The following SVEP1 variants were observed in gnomAD, a reference collection of about 807,000 sequenced individuals.
The protein encoded by SVEP1 is sushi, von Willebrand factor type A, EGF and pentraxin domain-containing protein 1.
In SVEP1, 164 loss-of-function variants were observed where a neutral mutation model predicts 367.3. The ratio of observed to expected loss-of-function variants is 0.45; its 90% CI spans 0.39 to 0.51. The LOEUF (loss-of-function observed/expected upper bound fraction) is 0.51. Among genes scored for constraint, SVEP1 ranks in the 20% least tolerant of loss-of-function variants. The pLI, the probability that SVEP1 is intolerant of heterozygous loss-of-function variation, is 0.00. For missense variants in SVEP1, 4,117 were observed against 4,425.3 expected (o/e 0.93, Z 1.98); for synonymous variants, 1,666 against 1,611.6 (o/e 1.03, Z -0.81).
intron 3 of SVEP1, among the ~76,000 whole-genome samples, chr9:110,531,329 G>T (rs115954677): frequency 4.0e-4 from 61 of 152,140 alleles, no homozygotes; most frequent in African/African-American, 1.4e-3. Flanking sequence ...AGTATGGTTT[G>T]GCTGTGTTCC....
chr9:110,418,772 C>A (rs1828151089), intron 36 of SVEP1, among the ~76,000 whole-genome samples: 1 of 93,616 alleles, frequency 1.1e-5, no homozygotes, highest in Non-Finnish European at 2.4e-5. Context: ...GATCTCTCGG[C>A]AGAAACCCTA....
At chr9:110,531,208 G>T (rs1350480738) in intron 3 of SVEP1, among the ~76,000 whole-genome samples, 3 of 152,076 alleles carry the variant, frequency 2.0e-5, no homozygotes, top group Non-Finnish European at 2.9e-5. Flanking sequence ...CATATATAGT[G>T]ATTTGATTTT....
chr9:110,450,467 G>GTTTTTT (rs10656079), intron 23 of SVEP1, among the ~76,000 whole-genome samples: 22 of 102,110 alleles, frequency 2.2e-4, no homozygotes, highest in South Asian at 3.8e-4. Context: ...TTGATAATCT[G>GTTTTTT]TTTTTTTTTT....
At chr9:110,487,719 C>T (rs1358621094) in intron 9 of SVEP1, among the ~76,000 whole-genome samples, 2 of 152,142 alleles carry the variant, frequency 1.3e-5, no homozygotes, top group Non-Finnish European at 2.9e-5. Context: ...AGCTTTCACA[C>T]AGAGCTTAAA....
At chr9:110,508,383 G>A (rs932252174) in intron 5 of SVEP1, among the ~76,000 whole-genome samples, 1 of 152,042 alleles carries the variant, frequency 6.6e-6, no homozygotes, top group Non-Finnish European at 1.5e-5. Flanking sequence ...TAAATGTAAG[G>A]TTCTCATTGG....
At chr9:110,576,546 T>C (rs1432603508) in intron 1 of SVEP1, among the ~76,000 whole-genome samples, 1 of 151,908 alleles carries the variant, frequency 6.6e-6, no homozygotes, top group Non-Finnish European at 1.5e-5. Flanking sequence ...TTTTCTGCAA[T>C]AAATATTTAT....
rs1287852782 is a variant in SVEP1 at position 110,375,427 on chromosome 9, C to T, written c.10541G>A (p.Cys3514Tyr). ...GCAGTCACACTGGTAAGGGGCCACA[C>T]AGCGACCTCCGTTCAGACAGGGAAG... is the stretch of plus-strand genomic sequence containing the variant. ...CILPCLNGGR[C>Y]VAPYQCDCPP... Residue 3514 changes from cysteine (C) to tyrosine (Y), a missense_variant, in exon 46 of 48, where the codon TGT becomes TAT. Cys to Tyr is a radical substitution (Grantham distance 194). Around this residue, in one of 4 missense-constraint regions of SVEP1, gnomAD observed 1,765 missense variants for 1,781.1 expected, o/e 0.99. Coordinates refer to ENST00000374469, the MANE Select transcript of SVEP1 (RefSeq NM_153366.4). The T allele has an allele frequency of 1.3e-6, 2 of 1,509,300 alleles. No homozygotes were observed. The highest frequency in any genetic ancestry group is 8.9e-7 in the Non-Finnish European group (1 of 1,127,416). The allele number at this position is 1,509,300 out of a possible 1,614,324, so 93.5% of individuals were successfully genotyped here.
chr9:110,374,268 T>C (rs903162824), intron 46 of SVEP1, among the ~76,000 whole-genome samples: 4 of 152,212 alleles, frequency 2.6e-5, no homozygotes, highest in African/African-American at 4.8e-5. Flanking sequence ...TTTGTTCCTT[T>C]TATAAGGATG....
rs976384747 is a variant in SVEP1, at chr9:110,579,470, G to A, written c.74C>T (p.Ser25Phe). Residue 25 changes from serine (S) to phenylalanine (F), a missense_variant, in exon 1 of 48, where the codon TCC becomes TTC. Ser to Phe is a radical substitution (Grantham distance 155). Coordinates refer to ENST00000374469, the MANE Select transcript of SVEP1 (RefSeq NM_153366.4). This position sits in a 1 kb window ranked among gnomAD's most constrained non-coding sequence, Gnocchi z 5.3. Reference protein sequence around the residue: ...VSGWATFQQMSPSRNFSFRLF... With the variant: ...VSGWATFQQMFPSRNFSFRLF... The stretch of plus-strand genomic sequence containing the variant: ...GCGGAAGCTGAAATTGCGCGACGGG[G>A]ACATCTGCTGAAAGGTCGCCCAGCC... 4 of 1,603,658 alleles carry A rather than the reference G, an allele frequency of 2.5e-6. No homozygotes were observed. The Admixed American group carries it at 6.8e-5, about 27-fold the overall frequency.
intron 36 of SVEP1, among the ~76,000 whole-genome samples, chr9:110,422,741 C>G (rs1828179826): frequency 8.0e-6 from 1 of 125,386 alleles, no homozygotes; most frequent in Non-Finnish European, 1.7e-5. Context: ...CAATGATAGA[C>G]TGGATTAAGA....
chr9:110,494,871 A>T (rs537213183), intron 8 of SVEP1, among the ~76,000 whole-genome samples: 29 of 152,174 alleles, frequency 1.9e-4, no homozygotes, highest in South Asian at 1.2e-3. Context: ...AGAGAATCAC[A>T]TCAATTTTGG....
chr9:110,377,402 A>T, intron 44 of SVEP1, 36 bp from the exon 45 acceptor site: 4 of 1,587,878 alleles, frequency 2.5e-6, no homozygotes, highest in Non-Finnish European at 3.5e-6. Flanking sequence ...AAATGTAGGG[A>T]ATTATGAAGG....
intron 3 of SVEP1, among the ~76,000 whole-genome samples, chr9:110,522,080 T>C (rs956834972): frequency 1.3e-5 from 2 of 152,158 alleles, no homozygotes; most frequent in Non-Finnish European, 2.9e-5. Flanking sequence ...AGACTGAAAG[T>C]ACATGACTTA....
At chr9:110,393,421 C>G (rs1319058373) in intron 40 of SVEP1, among the ~76,000 whole-genome samples, 1 of 152,166 alleles carries the variant, frequency 6.6e-6, no homozygotes, top group African/African-American at 2.4e-5. Flanking sequence ...AGGAACAGCT[C>G]CAGTCTACAG....
At chr9:110,371,072 A>G (rs549910908) in intron 46 of SVEP1, among the ~76,000 whole-genome samples, 138 of 152,370 alleles carry the variant, frequency 9.1e-4, no homozygotes, top group African/African-American at 3.0e-3. Context: ...AGAGAAGACA[A>G]GTAAAATACG....
At chr9:110,451,240 G>A in intron 23 of SVEP1, 49 bp downstream of exon 23, 2 of 1,431,340 alleles carry the variant, frequency 1.4e-6, no homozygotes, top group Non-Finnish European at 2.0e-6. Context: ...CTAATTTGTG[G>A]TGGTTTACAA....
intron 4 of SVEP1, among the ~76,000 whole-genome samples, 189 bp from the exon 5 acceptor site, chr9:110,513,294 A>T (rs1829752508): frequency 6.6e-6 from 1 of 152,166 alleles, no homozygotes; most frequent in Non-Finnish European, 1.5e-5. Flanking sequence ...CCTATTAGGT[A>T]CTAACTTCCA....
chr9:110,390,379 A>ATATATACTTATATAAG (rs1827636863), intron 40 of SVEP1, among the ~76,000 whole-genome samples: 1 of 116,660 alleles, frequency 8.6e-6, no homozygotes, highest in Non-Finnish European at 1.9e-5. Flanking sequence ...ATCTACTTAT[A>ATATATACTTATATAAG]TATATATATA....
intron 24 of SVEP1, among the ~76,000 whole-genome samples, chr9:110,449,753 T>C (rs1372357105): frequency 6.6e-6 from 1 of 152,186 alleles, no homozygotes; most frequent in Admixed American, 6.5e-5. Context: ...TGTATTTGCT[T>C]CTGAGTAATT....
Sources: gnomAD v4.1 joint callset for allele counts (sites outside exome capture counted in the v4.1 genomes callset) on GRCh38, gnomAD v4.1.1 for gene constraint, gnomAD v4.1.1 regional missense constraint, Gnocchi (gnomAD v3.1) non-coding constraint, MANE v1.5 for transcripts, NCBI Gene and HGNC (gene_info 2026-07-23, HGNC 2026-07-21) for gene names.